The following SNRPA variants were observed in gnomAD, a reference collection of about 807,000 sequenced individuals.
SNRPA encodes the protein small nuclear ribonucleoprotein polypeptide A, also known as U1 small nuclear ribonucleoprotein A.
SNRPA carries 10 observed loss-of-function variants against 24.5 expected under a neutral mutation model. The observed-to-expected ratio is 0.41, with a 90% confidence interval of 0.25 to 0.69. The LOEUF is 0.69. SNRPA is among the 30% of genes least tolerant of loss of function. SNRPA has a pLI of 0.33. For missense variants in SNRPA, 283 were observed against 394.7 expected, an observed-to-expected ratio of 0.72 and a Z score of 2.40; for synonymous variants, 165 against 148.4, an observed-to-expected ratio of 1.11 and a Z score of -0.81.
intron 5 of SNRPA, 32 bp from the exon 6 acceptor site, chr19:40,764,976 C>G (rs777385927): frequency 1.3e-6 from 2 of 1,503,096 alleles, no homozygotes; most frequent in Admixed American, 4.7e-5. Flanking sequence ...GGGGGAAATG[C>G]TGAGTCCCTG....
chr19:40,751,674 A>G, intron 1 of SNRPA, 193 bp downstream of exon 1: 1 of 574,900 alleles, frequency 1.7e-6, no homozygotes, highest in Non-Finnish European at 3.2e-6. Context: ...TAACGTGGTC[A>G]CTGCTGCTCA....
At position 40,759,365 on chromosome 19, in the gene SNRPA, A is replaced by G. The variant is rs535623027; in HGVS notation, c.247-66A>G. On this transcript the variant is annotated intron_variant, in intron 2 of 5. Coordinates refer to ENST00000243563, the MANE Select transcript of SNRPA (RefSeq NM_004596.5). ...GCACCTGGCCCCTGATAAAGGTCCA[A>G]TTTTGAATCTTGGCAATTGGGCTCT... The G allele has an allele frequency of 2.7e-4, 401 of 1,489,850 alleles. 1 individual carries two copies. The highest frequency in any genetic ancestry group is 8.2e-5 in the Admixed American group (4 of 48,522). 92.3% of individuals were successfully genotyped at this position (1,489,850 alleles called of 1,614,324 possible).
chr19:40,751,954 C>CT (rs1425822811), intron 1 of SNRPA, among the ~76,000 whole-genome samples: 5 of 152,204 alleles, frequency 3.3e-5, no homozygotes, highest in African/African-American at 1.2e-4. Context: ...ATGGGCTGGT[C>CT]TGTGTGCTTT....
At position 40,762,895 on chromosome 19, in the gene SNRPA, C is replaced by G. The variant is rs778836486; in HGVS notation, c.427-6C>G. The G allele has an allele frequency of 3.7e-6, 6 of 1,613,198 alleles. No individual in the cohort carries two copies. The highest frequency in any genetic ancestry group is 5.1e-6 in the Non-Finnish European group (6 of 1,179,782). On this transcript the variant is annotated splice_region_variant and splice_polypyrimidine_tract_variant and intron_variant, in intron 3 of 5. Coordinates refer to ENST00000243563, the MANE Select transcript of SNRPA (RefSeq NM_004596.5). ...TAACCACGCACTCTCCTCCCTCTCT[C>G]CACAGGGCATGCCGCCGATGACTCA... is the stretch of plus-strand genomic sequence containing the variant.
chr19:40,763,746 T>C, intron 5 of SNRPA, 71 bp downstream of exon 5: 2 of 1,269,806 alleles, frequency 1.6e-6, no homozygotes, highest in Non-Finnish European at 2.3e-6. Context: ...GAAACAGGCC[T>C]CAGAACTCTG....
At chr19:40,759,031 A>C (rs1455675171) in intron 2 of SNRPA, among the ~76,000 whole-genome samples, 1 of 151,580 alleles carries the variant, frequency 6.6e-6, no homozygotes, top group Non-Finnish European at 1.5e-5. Flanking sequence ...AACATGGTGA[A>C]ACCCTGTCTC....
intron 1 of SNRPA, among the ~76,000 whole-genome samples, chr19:40,753,384 G>GTTTTGTTT (rs2082893004): frequency 2.6e-5 from 1 of 38,390 alleles, no homozygotes; most frequent in African/African-American, 1.1e-4. Context: ...TTTTGCATAT[G>GTTTTGTTT]TTTTTTTTTT....
intron 3 of SNRPA, among the ~76,000 whole-genome samples, chr19:40,760,136 C>T (rs1395743416): frequency 1.3e-5 from 2 of 152,152 alleles, no homozygotes; most frequent in East Asian, 3.8e-4. Flanking sequence ...AAGTGATACG[C>T]CTCAGCCTCC....
chr19:40,758,733 G>A (rs2082918660), intron 2 of SNRPA: 1 of 151,740 alleles, frequency 6.6e-6, no homozygotes, highest in African/African-American at 2.4e-5. Flanking sequence ...TTTTTTGTTT[G>A]TTTGTTTTTT....
At chr19:40,754,949 A>T (rs1312788241) in intron 1 of SNRPA, among the ~76,000 whole-genome samples, 1 of 152,042 alleles carries the variant, frequency 6.6e-6, no homozygotes, top group Non-Finnish European at 1.5e-5. Flanking sequence ...CAGAAATGTC[A>T]CCACCAGGAG....
At chr19:40,751,681 C>T in intron 1 of SNRPA, 200 bp downstream of exon 1, 1 of 565,858 alleles carries the variant, frequency 1.8e-6, no homozygotes, top group Non-Finnish European at 3.2e-6. Context: ...GTCACTGCTG[C>T]TCATCTTACA....
At chr19:40,761,461 T>TC (rs2082932144) in intron 3 of SNRPA, among the ~76,000 whole-genome samples, 2 of 61,520 alleles carry the variant, frequency 3.3e-5, no homozygotes, top group Non-Finnish European at 6.0e-5. Flanking sequence ...TCTTTTTCTT[T>TC]TTTTTTTTTT....
intron 1 of SNRPA, among the ~76,000 whole-genome samples, chr19:40,754,086 C>A (rs1014320280): frequency 2.7e-5 from 4 of 149,994 alleles, no homozygotes; most frequent in Non-Finnish European, 4.4e-5. Context: ...CAGGCGTCAG[C>A]CCCAGCGCCC....
intron 2 of SNRPA, among the ~76,000 whole-genome samples, chr19:40,758,435 TTG>T (rs1286121597): frequency 5.9e-5 from 9 of 152,190 alleles, no homozygotes; most frequent in Non-Finnish European, 1.2e-4. Context: ...TGAAGTATTC[TTG>T]TGTGACAGGA....
Position 40,765,379 on chromosome 19 carries a change from G to GT in SNRPA, c.*217dup. The GT allele has an allele frequency of 5.7e-6, 2 of 348,988 alleles. No homozygotes were observed. Among genetic ancestry groups the GT allele is most frequent in the Non-Finnish European group, 1.0e-5 (2 of 193,428 alleles). 21.6% of individuals were successfully genotyped at this position (348,988 alleles called of 1,614,324 possible). A position where few individuals can be genotyped will look rare whatever the true frequency, so the allele number is the denominator to read the frequency against. ...AATTAAAGTGGCTTTTTGAGGTTTG[G>GT]TTTTTCACAATCATTTGTCTGTCTG... On this transcript the variant is annotated 3_prime_UTR_variant, in exon 6 of 6. Coordinates refer to ENST00000243563, the MANE Select transcript of SNRPA (RefSeq NM_004596.5).
intron 3 of SNRPA, among the ~76,000 whole-genome samples, chr19:40,762,367 C>T (rs2082936467): frequency 6.6e-6 from 1 of 151,980 alleles, no homozygotes; most frequent in Non-Finnish European, 1.5e-5. Context: ...CAGGTGCCCA[C>T]CACCACGCCT....
chr19:40,764,895 G>T, intron 5 of SNRPA, 113 bp from the exon 6 acceptor site: 1 of 999,476 alleles, frequency 1.0e-6, no homozygotes, highest in Non-Finnish European at 1.4e-6. Flanking sequence ...TGAGTAATGG[G>T]GCCCTGCCCT....
intron 1 of SNRPA, among the ~76,000 whole-genome samples, chr19:40,752,573 T>C (rs2082885785): frequency 8.8e-6 from 1 of 113,152 alleles, no homozygotes; most frequent in South Asian, 3.2e-4. Context: ...CCAGACCTTT[T>C]CTCTACAAAA....
rs1406522669 is a variant in SNRPA at position 40,765,104 on chromosome 19, T to C, written c.786T>C (p.Asp262=). 1.9e-6 allele frequency: 3 copies of C among 1,587,574 alleles called. No individual in the cohort carries two copies. Among genetic ancestry groups the C allele is most frequent in the Non-Finnish European group, 1.7e-6 (2 of 1,168,688 alleles). The change falls in exon 6 of 6, where the codon GAT becomes GAC. Residue 262 remains aspartate (D), a synonymous_variant. Transcript: ENST00000243563. Reference sequence around the variant, plus strand: ...AGGTACAGGCAGGGGCAGCTCGCGATGCCCTGCAGGGCTTTAAGATCACGC... The same window carrying C: ...AGGTACAGGCAGGGGCAGCTCGCGACGCCCTGCAGGGCTTTAAGATCACGC... ...DNEVQAGAAR[D]ALQGFKITQN...
Sources: allele counts gnomAD v4.1 joint callset (sites outside exome capture counted in the v4.1 genomes callset), GRCh38; gene constraint gnomAD v4.1.1; transcripts MANE v1.5; gene names NCBI Gene and HGNC (gene_info 2026-07-23, HGNC 2026-07-21).